SLC13A1: variants seen among roughly 807,000 people sequenced by gnomAD.
The protein encoded by SLC13A1 is Na(+)/sulfate cotransporter.
Under a neutral mutation model 70.0 loss-of-function variants are expected in SLC13A1, and 65 were observed. The observed-to-expected ratio is 0.93, with a 90% CI of 0.76 to 1.14. SLC13A1 has a LOEUF of 1.14. SLC13A1 is among the 50% of genes most tolerant of loss of function. The pLI, the probability that SLC13A1 is intolerant of heterozygous loss-of-function variation, is 0.00. For missense variants in SLC13A1, 726 were observed against 717.8 expected, an observed-to-expected ratio of 1.01 and a Z score of -0.13; for synonymous variants, 275 against 250.5, an observed-to-expected ratio of 1.10 and a Z score of -0.92.
Position 123,125,564 on chromosome 7 carries a change from T to C in SLC13A1, c.1240+5A>G, listed in dbSNP as rs1158491287. 1.2e-5 allele frequency: 19 copies of C among 1,585,660 alleles called. No individual in the cohort carries two copies. Among genetic ancestry groups the C allele is most frequent in the Non-Finnish European group, 1.5e-5 (18 of 1,161,350 alleles). On this transcript the variant is annotated splice_donor_5th_base_variant and intron_variant, in intron 11 of 14. Transcript: ENST00000194130. Reference sequence around the variant, plus strand: ...ATTTATGCAGAATTATAAATGATACTCAACCAATTTCTCCTGTAGGTGTAG... The same window carrying C: ...ATTTATGCAGAATTATAAATGATACCCAACCAATTTCTCCTGTAGGTGTAG...
At chr7:123,121,829 G>A (rs1242549832) in intron 12 of SLC13A1, among the ~76,000 whole-genome samples, 2 of 152,060 alleles carry the variant, frequency 1.3e-5, no homozygotes, top group South Asian at 2.1e-4. Flanking sequence ...TGAAAGAAAA[G>A]TGTTGAAAAT....
intron 1 of SLC13A1, among the ~76,000 whole-genome samples, chr7:123,181,996 G>T (rs975077331): frequency 6.6e-5 from 10 of 151,836 alleles, no homozygotes; most frequent in Admixed American, 2.0e-4. Context: ...AGTCCTTGGG[G>T]CTTGGGATTT....
intron 12 of SLC13A1, among the ~76,000 whole-genome samples, chr7:123,122,796 T>G (rs1793427984): frequency 6.6e-6 from 1 of 152,166 alleles, no homozygotes; most frequent in Non-Finnish European, 1.5e-5. Context: ...AAAGTATATT[T>G]CACTAGGAGT....
At chr7:123,168,072 A>C (rs147049291) in intron 6 of SLC13A1, among the ~76,000 whole-genome samples, 94 of 152,292 alleles carry the variant, frequency 6.2e-4, no homozygotes, top group Admixed American at 1.9e-3. Flanking sequence ...AAAATGAAGC[A>C]ATATTCTGAG....
intron 2 of SLC13A1, among the ~76,000 whole-genome samples, chr7:123,179,360 A>G (rs1381973445): frequency 6.6e-6 from 1 of 152,102 alleles, no homozygotes; most frequent in Non-Finnish European, 1.5e-5. Flanking sequence ...GCTTTTAAAC[A>G]CCTTCTGAAT....
intron 3 of SLC13A1, 128 bp downstream of exon 3, chr7:123,171,640 A>G (rs1795275248): frequency 3.1e-6 from 3 of 981,114 alleles, no homozygotes; most frequent in East Asian, 2.5e-5. Flanking sequence ...TTTGCAGAGG[A>G]AAAAACGTCA....
intron 1 of SLC13A1, among the ~76,000 whole-genome samples, chr7:123,191,588 A>T (rs1795998109): frequency 6.6e-6 from 1 of 152,222 alleles, no homozygotes; most frequent in Non-Finnish European, 1.5e-5. Flanking sequence ...CTTATTTAAG[A>T]TGTGAAAATA....
chr7:123,177,212 T>C (rs969741540), intron 2 of SLC13A1, among the ~76,000 whole-genome samples: 4 of 152,136 alleles, frequency 2.6e-5, no homozygotes, highest in Non-Finnish European at 5.9e-5. Flanking sequence ...GTGAGGCATC[T>C]TTGACACTTT....
chr7:123,139,725 G>T (rs1794066753), intron 7 of SLC13A1, among the ~76,000 whole-genome samples: 1 of 151,914 alleles, frequency 6.6e-6, no homozygotes. Context: ...TTCACTGTTG[G>T]TATATACAAA....
At chr7:123,194,544 T>A (rs1249645255) in intron 1 of SLC13A1, among the ~76,000 whole-genome samples, 7 of 151,996 alleles carry the variant, frequency 4.6e-5, no homozygotes, top group Admixed American at 4.6e-4. Flanking sequence ...TTGGACTGAG[T>A]TGGCATTTAA....
At chr7:123,119,011 G>T in intron 13 of SLC13A1, 70 bp downstream of exon 13, 2 of 1,396,132 alleles carry the variant, frequency 1.4e-6, no homozygotes, top group Non-Finnish European at 9.8e-7. Flanking sequence ...ACCACAACAT[G>T]AAAACCAGCA....
intron 11 of SLC13A1, among the ~76,000 whole-genome samples, chr7:123,125,064 G>C (rs1486177193): frequency 1.3e-5 from 2 of 152,126 alleles, no homozygotes; most frequent in Non-Finnish European, 2.9e-5. Context: ...TTGCAGGTGT[G>C]AGCCACCACA....
At chr7:123,181,338 A>C (rs1795633567) in intron 1 of SLC13A1, among the ~76,000 whole-genome samples, 1 of 152,276 alleles carries the variant, frequency 6.6e-6, no homozygotes, top group African/African-American at 2.4e-5. Context: ...CATTTATTTC[A>C]CATTTCCCTC....
At chr7:123,187,147 G>A (rs771335118) in intron 1 of SLC13A1, among the ~76,000 whole-genome samples, 4 of 152,032 alleles carry the variant, frequency 2.6e-5, no homozygotes, top group Non-Finnish European at 4.4e-5. Flanking sequence ...TTAGATCATA[G>A]GCAATGTCAT....
intron 10 of SLC13A1, among the ~76,000 whole-genome samples, chr7:123,128,301 T>C (rs952269921): frequency 6.6e-6 from 1 of 152,100 alleles, no homozygotes; most frequent in Non-Finnish European, 1.5e-5. Flanking sequence ...TAATATGAAT[T>C]TATACCAGAT....
intron 8 of SLC13A1, among the ~76,000 whole-genome samples, chr7:123,132,803 C>T (rs927113661): frequency 2.6e-5 from 4 of 152,106 alleles, no homozygotes; most frequent in Non-Finnish European, 4.4e-5. Flanking sequence ...ATTTGATATA[C>T]AGCGACTTCA....
chr7:123,193,608 T>C (rs1025007915), intron 1 of SLC13A1, among the ~76,000 whole-genome samples: 6 of 152,180 alleles, frequency 3.9e-5, no homozygotes, highest in Non-Finnish European at 8.8e-5. Context: ...TAAATATCAT[T>C]AAATAAGCAA....
intron 8 of SLC13A1, among the ~76,000 whole-genome samples, chr7:123,132,156 C>A (rs1207077383): frequency 6.6e-6 from 1 of 152,152 alleles, no homozygotes; most frequent in Non-Finnish European, 1.5e-5. Context: ...TACACATTTG[C>A]TTCAGCAGGA....
In SLC13A1 at chr7:123,123,149, A is replaced by T. The variant is rs756131551; in HGVS notation, c.1327T>A (p.Phe443Ile). 1 of 1,613,202 alleles carries T rather than the reference A, an allele frequency of 6.2e-7. No individual in the cohort carries two copies. Among genetic ancestry groups the T allele is most frequent in the Non-Finnish European group, 8.5e-7 (1 of 1,179,276 alleles). ...WDIAILVGGG[F>I]ALADGCEESG... ...ACCTCACAACCATCTGCCAGGGCAAACCCTCCACCAACAAGAATGGCTATA... is the reference window on the plus strand; with the variant it reads ...ACCTCACAACCATCTGCCAGGGCAATCCCTCCACCAACAAGAATGGCTATA... Residue 443 changes from phenylalanine to isoleucine, a missense_variant, in exon 12 of 15, where the codon TTT (phenylalanine) becomes ATT (isoleucine). By Grantham distance (21) the Phe-to-Ile change is conservative. Transcript: ENST00000194130.
Sources: gnomAD v4.1 joint callset for allele counts (sites outside exome capture counted in the v4.1 genomes callset) on GRCh38, gnomAD v4.1.1 for gene constraint, MANE v1.5 for transcripts, NCBI Gene and HGNC (gene_info 2026-07-23, HGNC 2026-07-21) for gene names.